TBC1D30: variants seen among roughly 807,000 people sequenced by gnomAD.
TBC1D30 encodes the protein TBC1 domain family member 30, also known as TBC1 domain family, member 30.
TBC1D30 carries 31 observed loss-of-function variants against 63.2 expected under a neutral mutation model. The observed-to-expected ratio is 0.49, with a 90% CI of 0.37 to 0.66. The LOEUF (loss-of-function observed/expected upper bound fraction) is 0.66. Among genes scored for constraint, TBC1D30 ranks in the 30% least tolerant of loss-of-function variants. The probability of loss-of-function intolerance (pLI) is 0.00; values close to 1 mark genes in which losing one functional copy is unlikely to be tolerated. For synonymous variants in TBC1D30, 307 were observed against 361.5 expected (o/e 0.85, Z 1.71); for missense variants, 810 against 953.6 (o/e 0.85, Z 1.98).
At chr12:64,838,478 A>G (rs12146815) in intron 6 of TBC1D30, among the ~76,000 whole-genome samples, 1 of 152,186 alleles carries the variant, frequency 6.6e-6, no homozygotes. Flanking sequence ...TATTGTAAAT[A>G]TTTTTTGAAG....
intron 2 of TBC1D30, among the ~76,000 whole-genome samples, chr12:64,801,939 C>CT (rs1278017308): frequency 6.6e-6 from 1 of 152,106 alleles, no homozygotes; most frequent in Non-Finnish European, 1.5e-5. Flanking sequence ...CTCCTACCTG[C>CT]TTTTTGGCGT....
chr12:64,769,367 G>A lies in TBC1D30; in HGVS notation c.-376+9718G>A, dbSNP rs991104857. 1.7e-4 allele frequency among the ~76,000 whole-genome samples: 25 copies of A among 151,456 alleles called. 1 individual carries two copies. The highest frequency in any genetic ancestry group is 7.4e-5 in the Non-Finnish European group (5 of 67,900). On this transcript the variant is annotated intron_variant, in intron 1 of 13. Transcript: ENST00000674237. Reference sequence around the variant, plus strand: ...ATTACAGGCGTGCACCACCACGCTCGGCTAATTTTTGTAATTTTTTTTTTT... The same window carrying A: ...ATTACAGGCGTGCACCACCACGCTCAGCTAATTTTTGTAATTTTTTTTTTT...
Position 64,876,624 on chromosome 12 carries a change from C to G in TBC1D30, c.*836C>G. The stretch of plus-strand genomic sequence containing the variant: ...CATGCGGAGCCTGGCCTGCATCCCC[C>G]ACCACACAGCTCACTCACCCACCAG... On this transcript the variant is annotated 3_prime_UTR_variant, in exon 12 of 12. Coordinates refer to ENST00000539867, the MANE Select transcript of TBC1D30 (RefSeq NM_015279.2). 1 of 367,746 alleles carries G rather than the reference C, an allele frequency of 2.7e-6. No individual in the cohort carries two copies. Among genetic ancestry groups the G allele is most frequent in the East Asian group, 7.3e-5 (1 of 13,680 alleles). The allele number at this position is 367,746 out of a possible 1,614,324, so 22.8% of individuals were successfully genotyped here.
At chr12:64,851,390 T>A (rs926425275) in intron 8 of TBC1D30, among the ~76,000 whole-genome samples, 13 of 152,188 alleles carry the variant, frequency 8.5e-5, no homozygotes, top group Non-Finnish European at 1.6e-4. Context: ...TGGTAAATCT[T>A]CCTCCATCCC....
intron 2 of TBC1D30, among the ~76,000 whole-genome samples, chr12:64,796,876 T>G (rs781439572): frequency 2.0e-5 from 3 of 151,970 alleles, no homozygotes; most frequent in Non-Finnish European, 4.4e-5. Flanking sequence ...AAGAAATACT[T>G]TTTCCCCCAA....
exon 1 of TBC1D30, chr12:64,780,961 G>A: frequency 9.5e-7 from 1 of 1,056,392 alleles, no homozygotes; most frequent in Non-Finnish European, 1.2e-6. Context: ...CGGCGGAGCG[G>A]CCGCGGCGCT....
intron 9 of TBC1D30, among the ~76,000 whole-genome samples, chr12:64,865,997 GT>G (rs1456911323): frequency 6.6e-6 from 1 of 152,088 alleles, no homozygotes; most frequent in Non-Finnish European, 1.5e-5. Flanking sequence ...AGTCTCCTAA[GT>G]AGCTGGGACC....
intron 5 of TBC1D30, among the ~76,000 whole-genome samples, chr12:64,834,761 G>C (rs1041925584): frequency 7.0e-6 from 1 of 142,436 alleles, no homozygotes; most frequent in Non-Finnish European, 1.5e-5. Context: ...GAAATACAGT[G>C]GTGGGTGGTT....
intron 8 of TBC1D30, among the ~76,000 whole-genome samples, chr12:64,850,737 T>A (rs1249428200): frequency 6.6e-6 from 1 of 152,180 alleles, no homozygotes; most frequent in Non-Finnish European, 1.5e-5. Flanking sequence ...GAAATTTTCT[T>A]TTTTTGTTGT....
chr12:64,814,157 G>A (rs190519025), intron 2 of TBC1D30, among the ~76,000 whole-genome samples: 7 of 152,120 alleles, frequency 4.6e-5, no homozygotes, highest in African/African-American at 7.2e-5. Flanking sequence ...AGTGATTGTC[G>A]TGCCTCAGCC....
In TBC1D30 at chr12:64,878,070, T is replaced by C. The variant is rs1009264567; in HGVS notation, c.*2282T>C. ...CTTCCTGAGAAGGGGATGGATGAGG[T>C]AACACACAGTTTGGGATACGTATCT... is the stretch of plus-strand genomic sequence containing the variant. On this transcript the variant is annotated 3_prime_UTR_variant, in exon 12 of 12. Transcript: ENST00000539867. 1 of 197,446 alleles carries C rather than the reference T, an allele frequency of 5.1e-6. No individual in the cohort carries two copies. The highest frequency in any genetic ancestry group is 2.3e-5 in the African/African-American group (1 of 43,428). 12.2% of individuals were successfully genotyped at this position (197,446 alleles called of 1,614,324 possible).
chr12:64,818,049 T>G, intron 2 of TBC1D30, among the ~76,000 whole-genome samples: 1 of 128,082 alleles, frequency 7.8e-6, no homozygotes, highest in African/African-American at 2.9e-5. Context: ...GGCAACAGAG[T>G]GAGACTCTAC....
At chr12:64,772,997 A>C (rs536047010) in intron 1 of TBC1D30, among the ~76,000 whole-genome samples, 1 of 152,378 alleles carries the variant, frequency 6.6e-6, no homozygotes, top group African/African-American at 2.4e-5. Context: ...CATGACTTGA[A>C]TATCATTCTG....
chr12:64,816,291 C>T (rs1873529898), intron 2 of TBC1D30, among the ~76,000 whole-genome samples: 1 of 152,094 alleles, frequency 6.6e-6, no homozygotes, highest in African/African-American at 2.4e-5. Flanking sequence ...CCTTGGCCTC[C>T]CAAAGTGCTG....
At chr12:64,848,203 C>T (rs1367113035) in intron 8 of TBC1D30, among the ~76,000 whole-genome samples, 2 of 151,808 alleles carry the variant, frequency 1.3e-5, no homozygotes, top group Non-Finnish European at 2.9e-5. Flanking sequence ...ATAGCTACTC[C>T]TGCTCCTTTT....
At chr12:64,780,826 C>G in exon 1 of TBC1D30, 1 of 995,484 alleles carries the variant, frequency 1.0e-6, no homozygotes, top group Non-Finnish European at 1.2e-6. Flanking sequence ...TCCTTCCCAC[C>G]GGCGGGGGCC....
chr12:64,880,262 G>A lies in TBC1D30; in HGVS notation c.*4474G>A, dbSNP rs1038142621. 2 of 152,330 alleles carry A rather than the reference G, an allele frequency of 1.3e-5. No homozygotes were observed. Among genetic ancestry groups the A allele is most frequent in the African/African-American group, 4.8e-5 (2 of 41,446 alleles). 9.4% of individuals were successfully genotyped at this position (152,330 alleles called of 1,614,324 possible). A position where few individuals can be genotyped will look rare whatever the true frequency, so the allele number is the denominator to read the frequency against. On this transcript the variant is annotated 3_prime_UTR_variant, in exon 12 of 12. Transcript: ENST00000539867. ...GCTCACCTGAATGGGGACTGGTACT[G>A]TAGGTATTGGGTCAGCTTTCATGCC... is the stretch of plus-strand genomic sequence containing the variant.
chr12:64,839,425 GTATTTTTCAT>G (rs1269473545), intron 7 of TBC1D30, among the ~76,000 whole-genome samples: 1 of 152,108 alleles, frequency 6.6e-6, no homozygotes, highest in Non-Finnish European at 1.5e-5. Context: ...AAAAGATAGG[GTATTTTTCAT>G]TCACCTTTGA....
chr12:64,845,763 G>A (rs1169772361), intron 8 of TBC1D30, among the ~76,000 whole-genome samples: 1 of 151,000 alleles, frequency 6.6e-6, no homozygotes, highest in Non-Finnish European at 1.5e-5. Flanking sequence ...GGGTTCAAGC[G>A]ATTCTCGTGC....
Sources: gnomAD v4.1 joint callset for allele counts (sites outside exome capture counted in the v4.1 genomes callset) on GRCh38, gnomAD v4.1.1 for gene constraint, MANE v1.5 for transcripts, NCBI Gene and HGNC (gene_info 2026-07-23, HGNC 2026-07-21) for gene names.